Variants in BMPER observed in about 807,000 individuals in gnomAD.
BMPER encodes the protein BMP-binding endothelial regulator protein.
BMPER carries 45 observed loss-of-function variants against 87.3 expected under a neutral mutation model. The ratio of observed to expected loss-of-function variants is 0.52; its 90% CI spans 0.41 to 0.66. The LOEUF (loss-of-function observed/expected upper bound fraction) is 0.66, where lower values mean the gene tolerates loss of function less well. Among genes scored for constraint, BMPER ranks in the 30% least tolerant of loss-of-function variants. The probability of loss-of-function intolerance (pLI) is 0.00; values close to 1 mark genes in which losing one functional copy is unlikely to be tolerated. For synonymous variants in BMPER, 326 were observed against 316.2 expected (o/e 1.03, Z -0.33); for missense variants, 784 against 867.5 (o/e 0.90, Z 1.21).
chr7:34,045,123 G>T (rs1787927756), intron 6 of BMPER, among the ~76,000 whole-genome samples: 1 of 152,078 alleles, frequency 6.6e-6, no homozygotes, highest in Non-Finnish European at 1.5e-5. Context: ...TACTAGTTTG[G>T]TTTCTAGCTC....
chr7:34,051,755 C>A, intron 7 of BMPER, 106 bp from the exon 8 acceptor site: 2 of 967,726 alleles, frequency 2.1e-6, no homozygotes, highest in Non-Finnish European at 3.3e-6. Flanking sequence ...TCCAGACTTA[C>A]GTGGTCTTAT....
intron 3 of BMPER, among the ~76,000 whole-genome samples, chr7:33,945,627 T>C (rs886585681): frequency 6.6e-6 from 1 of 152,140 alleles, no homozygotes; most frequent in African/African-American, 2.4e-5. Flanking sequence ...TGTCTGTCCA[T>C]GTAGTATTGA....
chr7:33,989,003 A>T (rs368740373), intron 6 of BMPER, among the ~76,000 whole-genome samples: 14 of 136,094 alleles, frequency 1.0e-4, no homozygotes, highest in South Asian at 2.5e-4. Flanking sequence ...ATTTTCTTAA[A>T]CCAGTCTATC....
At chr7:34,052,997 C>A (rs1788186030) in intron 8 of BMPER, among the ~76,000 whole-genome samples, 1 of 152,180 alleles carries the variant, frequency 6.6e-6, no homozygotes, top group Non-Finnish European at 1.5e-5. Context: ...CTTTTCCTCT[C>A]CACTAAGAAT....
chr7:34,030,992 G>C (rs955068869), intron 6 of BMPER, among the ~76,000 whole-genome samples: 18 of 151,252 alleles, frequency 1.2e-4, no homozygotes, highest in African/African-American at 3.7e-4. Flanking sequence ...CAGGTGTCAA[G>C]GAATTCTCAT....
intron 13 of BMPER, among the ~76,000 whole-genome samples, chr7:34,109,388 A>G (rs1039263661): frequency 6.6e-6 from 1 of 152,198 alleles, no homozygotes; most frequent in African/African-American, 2.4e-5. Flanking sequence ...TACCAATTTA[A>G]ATGTTCATCT....
chr7:34,128,062 A>T (rs1029404709), intron 13 of BMPER, among the ~76,000 whole-genome samples: 1 of 152,208 alleles, frequency 6.6e-6, no homozygotes, highest in East Asian at 1.9e-4. Flanking sequence ...AATAAGCAAC[A>T]CTTACCTTTC....
At chr7:34,010,487 T>C (rs1345684173) in intron 6 of BMPER, among the ~76,000 whole-genome samples, 1 of 151,982 alleles carries the variant, frequency 6.6e-6, no homozygotes, top group Non-Finnish European at 1.5e-5. Flanking sequence ...CCTAATTATA[T>C]GCAACTTTGT....
intron 2 of BMPER, among the ~76,000 whole-genome samples, chr7:33,916,944 A>G (rs1784099602): frequency 6.6e-6 from 1 of 152,208 alleles, no homozygotes. Context: ...TCCTCTATAA[A>G]AGACATCCTA....
At chr7:34,140,153 A>G (rs534583781) in intron 13 of BMPER, among the ~76,000 whole-genome samples, 1 of 152,210 alleles carries the variant, frequency 6.6e-6, no homozygotes, top group Non-Finnish European at 1.5e-5. Flanking sequence ...TTCAAGCTTC[A>G]GCTTCCGTAT....
intron 13 of BMPER, among the ~76,000 whole-genome samples, chr7:34,125,817 C>G (rs541452798): frequency 6.6e-6 from 1 of 152,298 alleles, no homozygotes; most frequent in South Asian, 2.1e-4. Flanking sequence ...GGTGGCACAG[C>G]ATTATATTTA....
At chr7:34,036,852 G>A (rs886143287) in intron 6 of BMPER, among the ~76,000 whole-genome samples, 6 of 152,078 alleles carry the variant, frequency 3.9e-5, no homozygotes, top group South Asian at 2.1e-4. Flanking sequence ...GTTGGTGGAA[G>A]GAGAAGAATT....
intron 6 of BMPER, among the ~76,000 whole-genome samples, chr7:34,037,464 G>A (rs1273317336): frequency 2.6e-5 from 4 of 152,016 alleles, no homozygotes; most frequent in African/African-American, 9.7e-5. Context: ...GACCGGTTGA[G>A]GCATTTTTCT....
At chr7:34,002,770 T>C (rs942639533) in intron 6 of BMPER, among the ~76,000 whole-genome samples, 17 of 151,808 alleles carry the variant, frequency 1.1e-4, no homozygotes, top group African/African-American at 4.1e-4. Context: ...TCTTTCTTTG[T>C]CTCTAGCAAC....
chr7:34,000,116 T>C (rs986262746), intron 6 of BMPER, among the ~76,000 whole-genome samples: 3 of 152,172 alleles, frequency 2.0e-5, no homozygotes, highest in Non-Finnish European at 4.4e-5. Context: ...ACATGTCGAG[T>C]GCACAGGCTG....
At chr7:34,140,970 G>T (rs1272914028) in intron 13 of BMPER, among the ~76,000 whole-genome samples, 1 of 152,192 alleles carries the variant, frequency 6.6e-6, no homozygotes, top group African/African-American at 2.4e-5. Context: ...ACCCCCATGG[G>T]CCAGGAGAGA....
chr7:33,930,056 A>G (rs1199284262), intron 2 of BMPER, among the ~76,000 whole-genome samples: 1 of 152,242 alleles, frequency 6.6e-6, no homozygotes, highest in African/African-American at 2.4e-5. Context: ...AAAGGGCCAC[A>G]GTTGACACCT....
chr7:34,024,357 C>CA (rs1169634357), intron 6 of BMPER, among the ~76,000 whole-genome samples: 1,850 of 4,656 alleles, frequency 0.4, 642 homozygotes, highest in Middle Eastern at 0.5. Flanking sequence ...AACTCTGTCT[C>CA]AAAAAAAAAA....
intron 6 of BMPER, among the ~76,000 whole-genome samples, chr7:33,987,458 C>G (rs955318769): frequency 3.3e-5 from 5 of 152,216 alleles, no homozygotes; most frequent in Admixed American, 6.5e-5. Context: ...TGAGCCTACA[C>G]TGAGTCATAC....
Sources: gnomAD v4.1 joint callset for allele counts (sites outside exome capture counted in the v4.1 genomes callset) on GRCh38, gnomAD v4.1.1 for gene constraint, MANE v1.5 for transcripts, NCBI Gene and HGNC (gene_info 2026-07-23, HGNC 2026-07-21) for gene names.